CDK6: variants seen among roughly 807,000 people sequenced by gnomAD.
The protein encoded by CDK6 is cyclin dependent kinase 6, also known as cyclin-dependent kinase 6.
In CDK6, 6 loss-of-function variants were observed where a neutral mutation model predicts 37.1. The ratio of observed to expected loss-of-function variants is 0.16; its 90% CI spans 0.09 to 0.32. CDK6 has a LOEUF of 0.32. Ranked by LOEUF, CDK6 falls within the 10% of genes least tolerant of loss-of-function variation. The pLI is 1.00. For missense variants in CDK6, 224 were observed against 418.9 expected, an observed-to-expected ratio of 0.53 and a Z score of 4.06; for synonymous variants, 160 against 161.3, an observed-to-expected ratio of 0.99 and a Z score of 0.06.
chr7:92,735,415 T>C (rs1798761389), intron 3 of CDK6, among the ~76,000 whole-genome samples: 1 of 152,140 alleles, frequency 6.6e-6, no homozygotes, highest in African/African-American at 2.4e-5. Flanking sequence ...TTTCAGCTCT[T>C]CCCCGCTCCT....
intron 4 of CDK6, among the ~76,000 whole-genome samples, chr7:92,695,122 A>G (rs755000934): frequency 6.6e-6 from 1 of 152,154 alleles, no homozygotes; most frequent in Non-Finnish European, 1.5e-5. Flanking sequence ...ATAGACTTTT[A>G]AAGAACCAGG....
chr7:92,661,121 T>C (rs1056647228), intron 5 of CDK6, among the ~76,000 whole-genome samples: 1 of 151,954 alleles, frequency 6.6e-6, no homozygotes, highest in African/African-American at 2.4e-5. Flanking sequence ...AGACATCAAA[T>C]GAAATGAGAA....
At chr7:92,627,680 G>A (rs1795958901) in intron 5 of CDK6, among the ~76,000 whole-genome samples, 1 of 151,888 alleles carries the variant, frequency 6.6e-6, no homozygotes, top group African/African-American at 2.4e-5. Context: ...TTTCTTTTTG[G>A]GGAGATAAAA....
At chr7:92,695,815 C>T (rs746585337) in intron 4 of CDK6, among the ~76,000 whole-genome samples, 3 of 152,154 alleles carry the variant, frequency 2.0e-5, no homozygotes, top group East Asian at 1.9e-4. Context: ...TTGCTGTTGC[C>T]GCCAGTGACC....
chr7:92,620,674 G>A (rs993167081), intron 6 of CDK6, among the ~76,000 whole-genome samples: 4 of 152,060 alleles, frequency 2.6e-5, no homozygotes, highest in Non-Finnish European at 5.9e-5. Flanking sequence ...TTGGAAGGCC[G>A]AGGCAAGTGG....
chr7:92,701,046 T>C (rs1797830288), intron 4 of CDK6, among the ~76,000 whole-genome samples: 1 of 152,226 alleles, frequency 6.6e-6, no homozygotes. Flanking sequence ...ACCATGCCTT[T>C]CCCACTTGCC....
chr7:92,632,385 A>G (rs190870022), intron 5 of CDK6, among the ~76,000 whole-genome samples: 22 of 152,326 alleles, frequency 1.4e-4, no homozygotes, highest in African/African-American at 5.1e-4. Context: ...AATGATCTAA[A>G]AATATTCTCA....
intron 2 of CDK6, among the ~76,000 whole-genome samples, chr7:92,791,626 G>C (rs1800283342): frequency 6.6e-6 from 1 of 152,112 alleles, no homozygotes. Flanking sequence ...CTAGAGGAAT[G>C]TATATATATT....
chr7:92,657,895 T>C (rs1054356997), intron 5 of CDK6, among the ~76,000 whole-genome samples: 1 of 152,122 alleles, frequency 6.6e-6, no homozygotes, highest in Non-Finnish European at 1.5e-5. Context: ...TTTTAAATTT[T>C]ATTTTTCGTA....
At chr7:92,660,048 A>G (rs1408442206) in intron 5 of CDK6, among the ~76,000 whole-genome samples, 1 of 152,186 alleles carries the variant, frequency 6.6e-6, no homozygotes, top group Non-Finnish European at 1.5e-5. Flanking sequence ...CAGCCTCTCC[A>G]TTTTATAGGT....
intron 5 of CDK6, among the ~76,000 whole-genome samples, chr7:92,646,426 C>T (rs1413742468): frequency 6.9e-6 from 1 of 143,934 alleles, no homozygotes; most frequent in Non-Finnish European, 1.5e-5. Flanking sequence ...GAGATGGAGT[C>T]TTGCTGTGTC....
chr7:92,664,208 C>A (rs1022219373), intron 5 of CDK6, among the ~76,000 whole-genome samples: 7 of 151,160 alleles, frequency 4.6e-5, no homozygotes, highest in African/African-American at 9.7e-5. Flanking sequence ...AAAAAAAAAA[C>A]AAAAACAGAG....
intron 5 of CDK6, among the ~76,000 whole-genome samples, chr7:92,659,637 A>ACAC (rs1562927568): frequency 1.6e-4 from 22 of 135,346 alleles, no homozygotes; most frequent in African/African-American, 5.6e-4. Flanking sequence ...CACACACACC[A>ACAC]CACACACACA....
chr7:92,779,186 C>T (rs114177406), intron 2 of CDK6, among the ~76,000 whole-genome samples: 356 of 152,170 alleles, frequency 2.3e-3, no homozygotes, highest in African/African-American at 8.3e-3. Context: ...TTGCTTTCCT[C>T]AGAGTTATAC....
chr7:92,666,372 C>CA (rs1796956873), intron 5 of CDK6, among the ~76,000 whole-genome samples: 1 of 152,224 alleles, frequency 6.6e-6, no homozygotes. Flanking sequence ...ATACAACAGT[C>CA]ACTCCATAAG....
chr7:92,659,621 C>A (rs1398968731), intron 5 of CDK6, among the ~76,000 whole-genome samples: 1 of 149,694 alleles, frequency 6.7e-6, no homozygotes, highest in Non-Finnish European at 1.5e-5. Context: ...CACACACACA[C>A]ACACACACAC....
At chr7:92,620,562 T>C (rs1481164667) in intron 6 of CDK6, among the ~76,000 whole-genome samples, 1 of 152,188 alleles carries the variant, frequency 6.6e-6, no homozygotes, top group Non-Finnish European at 1.5e-5. Context: ...CTTTTAATAC[T>C]TGCTATTACT....
Position 92,680,541 on chromosome 7 carries a change from T to C in CDK6, c.538-9006A>G, listed in dbSNP as rs553890537. On this transcript the variant is annotated intron_variant, in intron 4 of 7. Coordinates refer to ENST00000424848, the MANE Select transcript of CDK6 (RefSeq NM_001145306.2). ...AATCTAAGGGCTAGAAGGAGATGTT[T>C]TGACATATGGCAAAAAAATGTCTGA... Among the ~76,000 whole-genome samples the C allele has an allele frequency of 6.8e-4, 103 of 152,128 alleles. 1 individual carries two copies. Among genetic ancestry groups the C allele is most frequent in the African/African-American group, 2.4e-3 (98 of 41,456 alleles).
intron 2 of CDK6, among the ~76,000 whole-genome samples, chr7:92,810,490 C>G (rs1192288822): frequency 6.6e-6 from 1 of 152,184 alleles, no homozygotes; most frequent in African/African-American, 2.4e-5. Context: ...TAACAATCCT[C>G]CCCCAGTCTC....
Sources: gnomAD v4.1 joint callset for allele counts (sites outside exome capture counted in the v4.1 genomes callset) on GRCh38, gnomAD v4.1.1 for gene constraint, MANE v1.5 for transcripts, NCBI Gene and HGNC (gene_info 2026-07-23, HGNC 2026-07-21) for gene names.